Variants in COL4A5 observed in about 807,000 individuals in gnomAD.
COL4A5 encodes the protein collagen alpha-5(IV) chain.
Under a neutral mutation model 130.2 loss-of-function variants are expected in COL4A5, and 26 were observed. The ratio of observed to expected loss-of-function variants is 0.20; its 90% CI spans 0.15 to 0.28. The LOEUF (loss-of-function observed/expected upper bound fraction) is 0.28. Ranked by LOEUF, COL4A5 falls within the 10% of genes least tolerant of loss-of-function variation. COL4A5 has a pLI of 1.00. For synonymous variants in COL4A5, 496 were observed against 439.6 expected, an observed-to-expected ratio of 1.13 and a Z score of -1.60; for missense variants, 1,131 against 1,344.3, an observed-to-expected ratio of 0.84 and a Z score of 2.48.
At chrX:108,636,807 A>G (rs1173092499) in intron 36 of COL4A5, among the ~76,000 whole-genome samples, 4 of 111,567 alleles carry the variant, frequency 3.6e-5, no homozygotes, top group Non-Finnish European at 5.7e-5. Context: ...TTTTTTAATC[A>G]TGATGGAGTG....
At chrX:108,616,861 T>G (rs1320862753) in intron 30 of COL4A5, among the ~76,000 whole-genome samples, 2 of 108,947 alleles carry the variant, frequency 1.8e-5, no homozygotes, top group African/African-American at 6.6e-5. Flanking sequence ...GATAAATATA[T>G]AGATATAAAT....
chrX:108,611,776 G>A (rs1159494275), intron 29 of COL4A5, among the ~76,000 whole-genome samples: 1 of 110,778 alleles, frequency 9.0e-6, no homozygotes, highest in Non-Finnish European at 1.9e-5. Context: ...AACAGAAGTA[G>A]AGGGATCACT....
intron 1 of COL4A5, among the ~76,000 whole-genome samples, chrX:108,506,922 T>C (rs2065129649): frequency 9.0e-6 from 1 of 111,118 alleles, no homozygotes; most frequent in Non-Finnish European, 1.9e-5. Context: ...TCATTGTTTA[T>C]ACATCTTTTC....
chrX:108,441,723 A>G (rs2064401700), intron 1 of COL4A5, among the ~76,000 whole-genome samples: 1 of 112,163 alleles, frequency 8.9e-6, no homozygotes, highest in Admixed American at 9.4e-5. Context: ...TTTTAAAAAC[A>G]TCTTCTTGGT....
At chrX:108,507,680 C>T (rs2065139843) in intron 1 of COL4A5, among the ~76,000 whole-genome samples, 2 of 111,100 alleles carry the variant, frequency 1.8e-5, no homozygotes, top group South Asian at 3.8e-4. Flanking sequence ...TGGCAGCATG[C>T]ACCTGTAGTC....
rs367967831 is a variant in COL4A5 at position 108,616,095 on chromosome X, TG to T, written c.2509+1072del. ...TTAAAACTAAGAAAACTTAGAGTGT[TG>T]CTTTGAACCAGGTTGTTACAAAATA... On this transcript the variant is annotated intron_variant, in intron 30 of 52. Transcript: ENST00000328300. Among the ~76,000 whole-genome samples, 420 of 112,125 alleles carry T rather than the reference TG, an allele frequency of 3.7e-3. 3 individuals carry two copies. The highest frequency in any genetic ancestry group is 0.013 in the African/African-American group (402 of 30,920).
rs1386760633 is a variant in COL4A5, at chrX:108,644,929, A to C, written c.3247-10402A>C. Among the ~76,000 whole-genome samples the C allele has an allele frequency of 2.3e-3, 249 of 109,415 alleles. 1 individual carries two copies. Among genetic ancestry groups the C allele is most frequent in the African/African-American group, 7.9e-3 (238 of 30,245 alleles). ...CAACAACAACAACAACAAAAAAAAA[A>C]AAAAAAAAGAAAGCAAAGAAAAGAA... On this transcript the variant is annotated intron_variant, in intron 36 of 52. Transcript: ENST00000328300.
intron 2 of COL4A5, among the ~76,000 whole-genome samples, chrX:108,544,105 T>C (rs1395393713): frequency 8.9e-6 from 1 of 111,867 alleles, no homozygotes; most frequent in Admixed American, 9.5e-5. Context: ...TTTATTTCTT[T>C]CTCCTGCCTG....
At chrX:108,610,693 G>T (rs561653383) in intron 29 of COL4A5, among the ~76,000 whole-genome samples, 1 of 111,737 alleles carries the variant, frequency 8.9e-6, no homozygotes, top group South Asian at 3.7e-4. Context: ...GAATTTAACA[G>T]GTATTTGCCT....
rs1469404059 is a variant in COL4A5, at chrX:108,580,656, T to C, written c.835-26T>C. ...TTGGTACACAGTATCCCATGAACCA[T>C]TGTGAAACTATTTTTATGTGTACAG... On this transcript the variant is annotated intron_variant, in intron 14 of 52. Transcript: ENST00000328300. The C allele has an allele frequency of 1.2e-5, 14 of 1,202,956 alleles. No homozygotes were observed. The African/African-American group carries it at 1.6e-4, about 14-fold the overall frequency.
At chrX:108,664,417 G>A (rs1034380083) in intron 37 of COL4A5, among the ~76,000 whole-genome samples, 3 of 111,598 alleles carry the variant, frequency 2.7e-5, no homozygotes, top group African/African-American at 9.8e-5. Flanking sequence ...AAAAAAAAAT[G>A]TTTTTAATTA....
At chrX:108,492,190 A>G (rs1243257647) in intron 1 of COL4A5, among the ~76,000 whole-genome samples, 1 of 111,621 alleles carries the variant, frequency 9.0e-6, no homozygotes, top group Non-Finnish European at 1.9e-5. Context: ...GCAGAATAGT[A>G]AACTTCCTGG....
intron 1 of COL4A5, among the ~76,000 whole-genome samples, chrX:108,474,236 A>G (rs1389172297): frequency 9.0e-6 from 1 of 111,725 alleles, no homozygotes; most frequent in Non-Finnish European, 1.9e-5. Flanking sequence ...TAAGTGCCCT[A>G]TACAGGTGTA....
At chrX:108,567,234 G>A (rs1473422809) in intron 4 of COL4A5, among the ~76,000 whole-genome samples, 1 of 112,242 alleles carries the variant, frequency 8.9e-6, no homozygotes, top group Non-Finnish European at 1.9e-5. Flanking sequence ...CATGTTTGAT[G>A]AAAGGCACTT....
intron 41 of COL4A5, 97 bp from the exon 42 acceptor site, chrX:108,670,131 A>G (rs2068171669): frequency 2.2e-6 from 2 of 923,811 alleles, no homozygotes; most frequent in Non-Finnish European, 3.1e-6. Flanking sequence ...TATTTAGTGT[A>G]ATGCTTTTTA....
rs1339067074 is a variant in COL4A5, at chrX:108,681,852, G to T, written c.4180G>T (p.Gly1394Cys). ...AATCCCTGGCCAGCCTGGGCTAAAGGGTCTACCAGGACCCCAAGGACCTCA... is the reference window on the plus strand; with the variant it reads ...AATCCCTGGCCAGCCTGGGCTAAAGTGTCTACCAGGACCCCAAGGACCTCA... ...PGIPGQPGLK[G>C]LPGPQGPQGL... The change falls in exon 47 of 53, where the codon GGT becomes TGT. Residue 1394 changes from glycine to cysteine, a missense_variant. By Grantham distance (159) the Gly-to-Cys change is radical. Transcript: ENST00000328300. The T allele has an allele frequency of 5.8e-6, 7 of 1,207,870 alleles. No individual in the cohort carries two copies. The highest frequency in any genetic ancestry group is 7.8e-6 in the Non-Finnish European group (7 of 894,368).
intron 2 of COL4A5, 81 bp downstream of exon 2, chrX:108,539,886 G>T: frequency 1.3e-6 from 1 of 781,499 alleles, no homozygotes. Flanking sequence ...TAAAAACAGA[G>T]CTTCTATCTC....
intron 36 of COL4A5, among the ~76,000 whole-genome samples, chrX:108,647,392 T>G (rs1383077383): frequency 9.0e-6 from 1 of 111,527 alleles, no homozygotes; most frequent in Non-Finnish European, 1.9e-5. Context: ...TGTCTGTTAT[T>G]GGTGTATAAG....
At chrX:108,597,797 A>G (rs2066547756) in intron 24 of COL4A5, among the ~76,000 whole-genome samples, 1 of 111,328 alleles carries the variant, frequency 9.0e-6, no homozygotes, top group Non-Finnish European at 1.9e-5. Flanking sequence ...TTAATATTGA[A>G]TACTATTTTC....
Sources: allele counts gnomAD v4.1 joint callset (sites outside exome capture counted in the v4.1 genomes callset), GRCh38; gene constraint gnomAD v4.1.1; transcripts MANE v1.5; gene names NCBI Gene and HGNC (gene_info 2026-07-23, HGNC 2026-07-21).